SLC8A1: variants seen among roughly 807,000 people sequenced by gnomAD.
SLC8A1 encodes solute carrier family 8 member A1.
A neutral mutation model predicts 68.3 loss-of-function variants in SLC8A1; 18 were observed. The observed-to-expected ratio is 0.26, with a 90% CI of 0.18 to 0.39. The LOEUF is 0.39. Ranked by LOEUF, SLC8A1 falls within the 10% of genes least tolerant of loss-of-function variation. The pLI is 1.00. For synonymous variants in SLC8A1, 475 were observed against 415.5 expected (o/e 1.14, Z -1.74); for missense variants, 985 against 1,156.7 (o/e 0.85, Z 2.15).
At chr2:40,141,545 G>A (rs1333653302) in intron 6 of SLC8A1, among the ~76,000 whole-genome samples, 1 of 152,204 alleles carries the variant, frequency 6.6e-6, no homozygotes, top group African/African-American at 2.4e-5. Context: ...TGAGGAGCTT[G>A]AGTCAGGTCA....
intron 2 of SLC8A1, among the ~76,000 whole-genome samples, chr2:40,332,237 C>T (rs2076490052): frequency 6.6e-6 from 1 of 152,130 alleles, no homozygotes; most frequent in African/African-American, 2.4e-5. Flanking sequence ...ACGTAATTCC[C>T]TTTACAGCAC....
At chr2:40,192,482 T>G (rs2052066769) in intron 2 of SLC8A1, among the ~76,000 whole-genome samples, 1 of 152,284 alleles carries the variant, frequency 6.6e-6, no homozygotes, top group East Asian at 1.9e-4. Flanking sequence ...TATTGAATTT[T>G]AACATTTATA....
At chr2:40,371,228 C>A (rs1677938309) in intron 2 of SLC8A1, among the ~76,000 whole-genome samples, 1 of 152,014 alleles carries the variant, frequency 6.6e-6, no homozygotes, top group African/African-American at 2.4e-5. Flanking sequence ...CTCACATTTT[C>A]CTTTCAGTGT....
At chr2:40,247,922 CTT>C (rs1416782734) in intron 2 of SLC8A1, among the ~76,000 whole-genome samples, 1 of 152,144 alleles carries the variant, frequency 6.6e-6, no homozygotes, top group African/African-American at 2.4e-5. Flanking sequence ...CAAAAATAAA[CTT>C]ATGTCAGCTA....
At chr2:40,128,964 T>C (rs1324386796) in intron 7 of SLC8A1, among the ~76,000 whole-genome samples, 3 of 152,140 alleles carry the variant, frequency 2.0e-5, no homozygotes, top group Admixed American at 6.5e-5. Flanking sequence ...AGTACATCAG[T>C]GGTTGCCTGG....
At chr2:40,153,149 G>A (rs1261588464) in intron 6 of SLC8A1, among the ~76,000 whole-genome samples, 1 of 152,112 alleles carries the variant, frequency 6.6e-6, no homozygotes, top group Non-Finnish European at 1.5e-5. Context: ...AGTAAAATTA[G>A]TAGTAATTTG....
intron 2 of SLC8A1, among the ~76,000 whole-genome samples, chr2:40,355,577 G>A (rs1672407343): frequency 6.6e-6 from 1 of 152,080 alleles, no homozygotes; most frequent in Admixed American, 6.6e-5. Context: ...TCCTCATTCT[G>A]TGTACAGATG....
At chr2:40,108,131 C>T (rs1367785646) in exon 8 of SLC8A1, 1 of 152,100 alleles carries the variant, frequency 6.6e-6, no homozygotes, top group African/African-American at 2.4e-5. Flanking sequence ...ATCAGCCTTT[C>T]ATAAATGAAA....
intron 2 of SLC8A1, among the ~76,000 whole-genome samples, chr2:40,303,784 C>G (rs1315026170): frequency 6.6e-6 from 1 of 152,174 alleles, no homozygotes; most frequent in African/African-American, 2.4e-5. Flanking sequence ...GTTTTCCAGA[C>G]CTCACTTTCT....
intron 1 of SLC8A1, among the ~76,000 whole-genome samples, chr2:40,451,068 T>A (rs1277910636): frequency 6.6e-6 from 1 of 152,186 alleles, no homozygotes; most frequent in Non-Finnish European, 1.5e-5. Context: ...CTGGGCGGAT[T>A]TGGTTTCTTT....
chr2:40,369,768 A>G (rs1677428000), intron 2 of SLC8A1, among the ~76,000 whole-genome samples: 2 of 152,232 alleles, frequency 1.3e-5, no homozygotes, highest in South Asian at 2.1e-4. Flanking sequence ...CATTGGCCAG[A>G]GCCAATTGAG....
At chr2:40,293,151 C>G (rs1559122767) in intron 2 of SLC8A1, among the ~76,000 whole-genome samples, 1 of 152,134 alleles carries the variant, frequency 6.6e-6, no homozygotes, top group Non-Finnish European at 1.5e-5. Context: ...CCTAAGTTAA[C>G]TCAGGATCCT....
chr2:40,200,222 T>TATATATATAAA (rs1558722368), intron 2 of SLC8A1, among the ~76,000 whole-genome samples: 4 of 5,162 alleles, frequency 7.7e-4, no homozygotes, highest in African/African-American at 1.9e-3. Flanking sequence ...ATATATATTT[T>TATATATATAAA]TTTATATATA....
chr2:40,170,025 A>G (rs2072529), intron 4 of SLC8A1, among the ~76,000 whole-genome samples: 26,759 of 152,190 alleles, frequency 0.18, 3,224 homozygotes, highest in East Asian at 0.64. Flanking sequence ...TCTGGAATAC[A>G]TTAAAACTCA....
Position 40,166,024 on chromosome 2 carries a change from C to T in SLC8A1, c.1931-1040G>A, listed in dbSNP as rs551754149. On this transcript the variant is annotated intron_variant, in intron 4 of 7. Transcript: ENST00000406785. ...GGAAAGACCTCAGCCCTGATGGCCTCATTTCTAGGACCTCTGGACAAAGTG... is the reference window on the plus strand; with the variant it reads ...GGAAAGACCTCAGCCCTGATGGCCTTATTTCTAGGACCTCTGGACAAAGTG... Among the ~76,000 whole-genome samples, 5 of 152,346 alleles carry T rather than the reference C, an allele frequency of 3.3e-5. No individual in the cohort carries two copies. The East Asian group carries it at 7.7e-4, about 24-fold the overall frequency.
chr2:40,318,250 T>C (rs1575359018), intron 2 of SLC8A1, among the ~76,000 whole-genome samples: 1 of 152,128 alleles, frequency 6.6e-6, no homozygotes, highest in Middle Eastern at 3.4e-3. Flanking sequence ...TGGTTCAAAA[T>C]ATGATTATCT....
At chr2:40,110,670 C>T (rs2034502256) in exon 8 of SLC8A1, 1 of 152,110 alleles carries the variant, frequency 6.6e-6, no homozygotes, top group African/African-American at 2.4e-5. Context: ...ATAAAATGGC[C>T]AAACGTTCTT....
intron 2 of SLC8A1, among the ~76,000 whole-genome samples, chr2:40,349,580 A>ATTAT (rs1670413960): frequency 1.3e-5 from 2 of 152,072 alleles, no homozygotes; most frequent in African/African-American, 4.8e-5. Flanking sequence ...AAGAGTATCT[A>ATTAT]CCTCACAGGG....
At chr2:40,225,445 G>C (rs2058850302) in intron 2 of SLC8A1, among the ~76,000 whole-genome samples, 1 of 152,022 alleles carries the variant, frequency 6.6e-6, no homozygotes, top group Admixed American at 6.6e-5. Context: ...GTTTTCTCTT[G>C]GCTAGACAAT....
Sources: gnomAD v4.1 joint callset for allele counts (sites outside exome capture counted in the v4.1 genomes callset) on GRCh38, gnomAD v4.1.1 for gene constraint, MANE v1.5 for transcripts, NCBI Gene and HGNC (gene_info 2026-07-23, HGNC 2026-07-21) for gene names.